PEX5L: variants seen among roughly 807,000 people sequenced by gnomAD.
PEX5L encodes peroxisomal biogenesis factor 5 like, also known as PEX5-related protein.
A neutral mutation model predicts 84.0 loss-of-function variants in PEX5L; 30 were observed. That is an observed-to-expected ratio of 0.36 (90% CI 0.27 to 0.48). The LOEUF is 0.48. Ranked by LOEUF, PEX5L falls within the 20% of genes least tolerant of loss-of-function variation. The pLI, the probability that PEX5L is intolerant of heterozygous loss-of-function variation, is 0.99. For synonymous variants in PEX5L, 270 were observed against 283.1 expected, an observed-to-expected ratio of 0.95 and a Z score of 0.46; for missense variants, 533 against 754.6, an observed-to-expected ratio of 0.71 and a Z score of 3.44.
chr3:179,929,636 C>A (rs1010457083), intron 2 of PEX5L, among the ~76,000 whole-genome samples: 1 of 152,194 alleles, frequency 6.6e-6, no homozygotes, highest in Admixed American at 6.5e-5. Context: ...TTGGCAACCG[C>A]CCCTGGTTCA....
At chr3:179,940,621 A>C (rs1578729266) in intron 2 of PEX5L, among the ~76,000 whole-genome samples, 1 of 152,130 alleles carries the variant, frequency 6.6e-6, no homozygotes, top group Non-Finnish European at 1.5e-5. Flanking sequence ...TGGACATAGA[A>C]TACTCTATAC....
chr3:179,944,763 T>G (rs1777076534), intron 2 of PEX5L, among the ~76,000 whole-genome samples: 1 of 152,210 alleles, frequency 6.6e-6, no homozygotes, highest in Non-Finnish European at 1.5e-5. Context: ...ATTGCAAACA[T>G]TTGTTGAGCA....
chr3:179,886,410 G>T (rs1263907135), intron 4 of PEX5L, among the ~76,000 whole-genome samples: 1 of 152,078 alleles, frequency 6.6e-6, no homozygotes, highest in Admixed American at 6.5e-5. Flanking sequence ...ATATAAAAAA[G>T]TCAACGCAAT....
At position 179,855,533 on chromosome 3, in the gene PEX5L, A is replaced by G. The variant is rs143029177; in HGVS notation, c.822+3529T>C. On this transcript the variant is annotated intron_variant, in intron 8 of 14. Coordinates refer to ENST00000467460, the MANE Select transcript of PEX5L (RefSeq NM_016559.3). ...TACAAATAAGCCAACAGGAGAAGCA[A>G]AAATCCATTCCAAATCCAGCCACCC... is the stretch of plus-strand genomic sequence containing the variant. Among the ~76,000 whole-genome samples, 88 of 152,328 alleles carry G rather than the reference A, an allele frequency of 5.8e-4. 2 individuals are homozygous for G. The East Asian group carries it at 0.014, about 25-fold the overall frequency.
intron 2 of PEX5L, among the ~76,000 whole-genome samples, chr3:179,904,208 C>T (rs1762362374): frequency 6.6e-6 from 1 of 152,168 alleles, no homozygotes; most frequent in Admixed American, 6.5e-5. Flanking sequence ...CTCTTTTTCC[C>T]CTCCAGCATT....
At chr3:179,923,690 G>A (rs1316786279) in intron 2 of PEX5L, among the ~76,000 whole-genome samples, 2 of 152,174 alleles carry the variant, frequency 1.3e-5, no homozygotes, top group African/African-American at 2.4e-5. Context: ...CTTAGTAGCA[G>A]TATGACTATA....
At chr3:179,868,966 C>A (rs1749344164) in intron 7 of PEX5L, among the ~76,000 whole-genome samples, 1 of 151,178 alleles carries the variant, frequency 6.6e-6, no homozygotes, top group African/African-American at 2.4e-5. Context: ...ATCAATCTGC[C>A]TCATGTCAGT....
rs1021185142 is a variant in PEX5L, at chr3:179,972,560, G to T, written c.22-895C>A. Reference sequence around the variant, plus strand: ...ACTACATAGTTAGCTGTAGTTCAAGGTTATTTATTTATTTTAAAGATTCTT... The same window carrying T: ...ACTACATAGTTAGCTGTAGTTCAAGTTTATTTATTTATTTTAAAGATTCTT... On this transcript the variant is annotated intron_variant, in intron 1 of 14. Transcript: ENST00000467460. Among the ~76,000 whole-genome samples, 3 of 151,944 alleles carry T rather than the reference G, an allele frequency of 2.0e-5. No individual in the cohort carries two copies. In the East Asian group the frequency reaches 5.8e-4, roughly 29 times the overall value.
At chr3:179,865,893 T>C (rs1159235154) in intron 7 of PEX5L, among the ~76,000 whole-genome samples, 1 of 152,184 alleles carries the variant, frequency 6.6e-6, no homozygotes. Context: ...ATTATGTGTA[T>C]ATAGTTCACA....
intron 2 of PEX5L, among the ~76,000 whole-genome samples, chr3:179,906,658 T>C (rs144907743): frequency 1.3e-5 from 2 of 152,332 alleles, no homozygotes; most frequent in East Asian, 1.9e-4. Flanking sequence ...TAAAGGGTTA[T>C]TGGTATTATT....
At chr3:180,005,446 AGGCTGGGCGTGGT>A (rs1432877778) in intron 1 of PEX5L, among the ~76,000 whole-genome samples, 2 of 152,106 alleles carry the variant, frequency 1.3e-5, no homozygotes, top group Non-Finnish European at 2.9e-5. Context: ...ATATTTTTGT[AGGCTGGGCGTGGT>A]GGCTCACGCC....
At chr3:179,995,321 T>C (rs1787787234) in intron 1 of PEX5L, among the ~76,000 whole-genome samples, 1 of 150,174 alleles carries the variant, frequency 6.7e-6, no homozygotes, top group Non-Finnish European at 1.5e-5. Flanking sequence ...GTAACAGGAG[T>C]GGTTCTAGAG....
At chr3:180,005,260 A>AT (rs150489637) in intron 1 of PEX5L, among the ~76,000 whole-genome samples, 6,207 of 150,996 alleles carry the variant, frequency 0.041, 405 homozygotes, top group African/African-American at 0.14. Flanking sequence ...AAAAGTTTTT[A>AT]TTTTTTTTTG....
intron 8 of PEX5L, among the ~76,000 whole-genome samples, chr3:179,851,313 A>C (rs1368120278): frequency 6.6e-6 from 1 of 152,176 alleles, no homozygotes; most frequent in African/African-American, 2.4e-5. Context: ...CCTGGTCTTC[A>C]TTGAAACTGC....
chr3:179,916,799 G>A (rs761094964), intron 2 of PEX5L, among the ~76,000 whole-genome samples: 2 of 151,808 alleles, frequency 1.3e-5, no homozygotes, highest in Non-Finnish European at 2.9e-5. Flanking sequence ...CCTCCTGAGC[G>A]GCTAGGATTA....
intron 1 of PEX5L, among the ~76,000 whole-genome samples, chr3:180,022,934 T>C (rs1377058702): frequency 6.6e-6 from 1 of 152,204 alleles, no homozygotes; most frequent in Non-Finnish European, 1.5e-5. Context: ...GGATTCTACA[T>C]CTGTGTTGAG....
In PEX5L at chr3:179,953,708, G is replaced by C. The variant is rs1033526163; in HGVS notation, c.93+17886C>G. ...TGATGGAAAGACTGTTAAGTCTGGG[G>C]CCTCACTATGACTCAGGATGGAAAT... is the stretch of plus-strand genomic sequence containing the variant. On this transcript the variant is annotated intron_variant, in intron 2 of 14. Transcript: ENST00000467460. Among the ~76,000 whole-genome samples the C allele has an allele frequency of 1.8e-4, 28 of 152,258 alleles. 1 individual carries two copies. The highest frequency in any genetic ancestry group is 5.8e-4 in the African/African-American group (24 of 41,574).
Position 179,797,531 on chromosome 3 carries a change from C to T in PEX5L, c.*4297G>A, listed in dbSNP as rs1717415194. ...TTTGTACCTGAGGTTATACGTTTTG[C>T]TTTTAAAAAATTGCTTTTTTACAAA... On this transcript the variant is annotated 3_prime_UTR_variant, in exon 15 of 15. Coordinates refer to ENST00000467460, the MANE Select transcript of PEX5L (RefSeq NM_016559.3). 7.0e-6 allele frequency: 1 copy of T among 143,842 alleles called. No individual in the cohort carries two copies. Among genetic ancestry groups the T allele is most frequent in the Non-Finnish European group, 1.5e-5 (1 of 66,520 alleles). 8.9% of individuals were successfully genotyped at this position (143,842 alleles called of 1,614,324 possible).
chr3:179,855,626 T>G (rs552291942), intron 8 of PEX5L, among the ~76,000 whole-genome samples: 1 of 152,300 alleles, frequency 6.6e-6, no homozygotes, highest in Admixed American at 6.5e-5. Flanking sequence ...CTCAAATTCG[T>G]ATGTTGAAAC....
Sources: gnomAD v4.1 joint callset for allele counts (sites outside exome capture counted in the v4.1 genomes callset) on GRCh38, gnomAD v4.1.1 for gene constraint, MANE v1.5 for transcripts, NCBI Gene and HGNC (gene_info 2026-07-23, HGNC 2026-07-21) for gene names.